TTC33: variants seen among roughly 807,000 people sequenced by gnomAD.
TTC33 encodes the protein tetratricopeptide repeat protein 33.
In TTC33, 24 loss-of-function variants were observed where a neutral mutation model predicts 29.4. The observed-to-expected ratio is 0.82, with a 90% CI of 0.59 to 1.15. The LOEUF is 1.15. TTC33 is among the 50% of genes most tolerant of loss of function. The pLI is 0.00. For missense variants in TTC33, 286 were observed against 310.4 expected (o/e 0.92, Z 0.59); for synonymous variants, 107 against 100.3 (o/e 1.07, Z -0.40).
chr5:40,735,959 T>C (rs1455531639), intron 2 of TTC33, among the ~76,000 whole-genome samples: 2 of 152,160 alleles, frequency 1.3e-5, no homozygotes, highest in Admixed American at 1.3e-4. Flanking sequence ...AGCAGAGAAA[T>C]GGCAGAGCAT....
Position 40,716,512 on chromosome 5 carries a change from T to G in TTC33, c.436-14A>C. 1 of 1,554,476 alleles carries G rather than the reference T, an allele frequency of 6.4e-7. No homozygotes were observed. Among genetic ancestry groups the G allele is most frequent in the Non-Finnish European group, 8.7e-7 (1 of 1,150,672 alleles). On this transcript the variant is annotated splice_polypyrimidine_tract_variant and intron_variant, in intron 4 of 4. Coordinates refer to ENST00000337702, the MANE Select transcript of TTC33 (RefSeq NM_012382.3). The stretch of plus-strand genomic sequence containing the variant: ...ACTTCGAATTGCCTAGAAAATAAGG[T>G]CAGAGTTTTTTGTTTTGGTTTTAAA...
chr5:40,734,304 C>T (rs1742498968), intron 2 of TTC33, among the ~76,000 whole-genome samples: 1 of 103,714 alleles, frequency 9.6e-6, no homozygotes, highest in Non-Finnish European at 2.0e-5. Flanking sequence ...TCTCTTAATT[C>T]AACTTCAGTT....
intron 2 of TTC33, among the ~76,000 whole-genome samples, chr5:40,736,660 A>G (rs1165234612): frequency 6.6e-6 from 1 of 152,360 alleles, no homozygotes; most frequent in South Asian, 2.1e-4. Context: ...CTAAAATATT[A>G]TATCTAAAGT....
intron 1 of TTC33, among the ~76,000 whole-genome samples, chr5:40,754,571 C>A (rs1664489333): frequency 6.6e-6 from 1 of 152,116 alleles, no homozygotes; most frequent in Admixed American, 6.5e-5. Flanking sequence ...GTATCAAGGG[C>A]CCACTACTGT....
intron 1 of TTC33, among the ~76,000 whole-genome samples, chr5:40,747,792 G>T (rs1211565099): frequency 6.6e-6 from 1 of 152,074 alleles, no homozygotes; most frequent in African/African-American, 2.4e-5. Context: ...TGTGGATCTT[G>T]TTTCACTCCT....
intron 4 of TTC33, among the ~76,000 whole-genome samples, chr5:40,718,502 C>A (rs1251072027): frequency 1.3e-5 from 2 of 152,136 alleles, no homozygotes; most frequent in African/African-American, 2.4e-5. Context: ...ATCACTCTGG[C>A]AGGCGGAGGT....
intron 1 of TTC33, among the ~76,000 whole-genome samples, chr5:40,749,389 TA>T (rs1742854388): frequency 1.3e-5 from 2 of 152,126 alleles, no homozygotes; most frequent in South Asian, 4.1e-4. Flanking sequence ...ATTCCATTCT[TA>T]AAGGAGTCTA....
rs759828624 is a variant in TTC33 at position 40,728,376 on chromosome 5, C to T, written c.404G>A (p.Arg135His). 2.2e-5 allele frequency: 35 copies of T among 1,610,174 alleles called. No homozygotes were observed. Among genetic ancestry groups the T allele is most frequent in the Middle Eastern group, 1.6e-4 (1 of 6,070 alleles). Residue 135 changes from arginine to histidine, a missense_variant, in exon 4 of 5, where the codon CGT (arginine) becomes CAT (histidine). Physicochemically the swap from Arg to His is conservative, Grantham distance 29. Coordinates refer to ENST00000337702, the MANE Select transcript of TTC33 (RefSeq NM_012382.3). ...TATCTCTCCTAAACCAAGTTGAGCA[C>T]GTCCCAAAGTCTGCCAAGACTCCCA... ...HSWESWQTLG[R>H]AQLGLGEIIL...
intron 4 of TTC33, among the ~76,000 whole-genome samples, chr5:40,717,229 C>CA (rs35359209): frequency 0.37 from 40,429 of 108,724 alleles, 7,881 homozygotes; most frequent in African/African-American, 0.52. Flanking sequence ...AACTCCATCT[C>CA]AAAAAAAAAA....
chr5:40,746,992 T>A lies in TTC33; in HGVS notation c.27A>T (p.Lys9Asn). Residue 9 changes from lysine to asparagine, a missense_variant, in exon 2 of 5, where the codon AAA (lysine) becomes AAT (asparagine). Transcript: ENST00000337702. ...TGACCTTTGAGACCTTCTCACCAATTTTCCTCTTCCACCCAAAGGAAGCCA... is the reference window on the plus strand; with the variant it reads ...TGACCTTTGAGACCTTCTCACCAATATTCCTCTTCCACCCAAAGGAAGCCA... MASFGWKR[K>N]IGEKVSKVTS... is the part of the protein sequence containing the mutation. 1.2e-6 allele frequency: 2 copies of A among 1,613,928 alleles called. No homozygotes were observed. Among genetic ancestry groups the A allele is most frequent in the Non-Finnish European group, 1.7e-6 (2 of 1,179,952 alleles).
At chr5:40,727,258 T>C (rs1451950455) in intron 4 of TTC33, among the ~76,000 whole-genome samples, 2 of 152,214 alleles carry the variant, frequency 1.3e-5, no homozygotes, top group Non-Finnish European at 2.9e-5. Flanking sequence ...TGTTTTATTT[T>C]GAACTGTAAA....
Position 40,730,340 on chromosome 5 carries a change from A to T in TTC33, c.225T>A (p.Tyr75Ter), listed in dbSNP as rs755328365. The T allele has an allele frequency of 1.9e-6, 3 of 1,612,764 alleles. No individual in the cohort carries two copies. Among genetic ancestry groups the T allele is most frequent in the Non-Finnish European group, 2.5e-6 (3 of 1,179,128 alleles). The change falls in exon 3 of 5, where the codon TAT becomes TAA. Residue 75 changes from tyrosine (Y) to a stop codon, truncating the protein, a stop_gained. Transcript: ENST00000337702. LOFTEE classifies it high-confidence loss of function. ...EGASLAENKR[Y>*]REAIQKWDEA... The stretch of plus-strand genomic sequence containing the variant: ...CATCCCACTTCTGAATTGCCTCCCG[A>T]TATCTGTGGTTGTTAAAGTTATATC...
chr5:40,752,789 T>C (rs1262747041), intron 1 of TTC33, among the ~76,000 whole-genome samples: 2 of 152,220 alleles, frequency 1.3e-5, no homozygotes, highest in East Asian at 3.8e-4. Context: ...AGTGCACACA[T>C]GCTATTGGAC....
rs1366767128 is a variant in TTC33, at chr5:40,751,848, T to G, written c.-2+3976A>C. On this transcript the variant is annotated intron_variant, in intron 1 of 4. Transcript: ENST00000337702. ...GGCGCACGCCTGTAGTCCCAGCTGCTCGGGAGGCTGAGGCAGGAGAATCGC... is the reference window on the plus strand; with the variant it reads ...GGCGCACGCCTGTAGTCCCAGCTGCGCGGGAGGCTGAGGCAGGAGAATCGC... Among the ~76,000 whole-genome samples the G allele has an allele frequency of 3.3e-5, 5 of 151,850 alleles. No homozygotes were observed. In the South Asian group the frequency reaches 6.3e-4, roughly 19 times the overall value.
intron 1 of TTC33, 102 bp from the exon 2 acceptor site, chr5:40,747,121 C>T (rs1236941582): frequency 3.3e-5 from 34 of 1,018,068 alleles, no homozygotes; most frequent in South Asian, 3.3e-4. Context: ...TACGATGGCA[C>T]GACCTCGGCT....
At chr5:40,723,317 G>A (rs1339098889) in intron 4 of TTC33, among the ~76,000 whole-genome samples, 1 of 151,936 alleles carries the variant, frequency 6.6e-6, no homozygotes, top group Non-Finnish European at 1.5e-5. Context: ...AGGGTCCTCT[G>A]CCTAGGAAAA....
intron 2 of TTC33, among the ~76,000 whole-genome samples, chr5:40,746,449 T>C (rs143137141): frequency 2.4e-4 from 37 of 152,284 alleles, no homozygotes; most frequent in African/African-American, 6.7e-4. Flanking sequence ...TACATAATGT[T>C]ATAAGCAGAA....
At chr5:40,746,700 A>G in intron 2 of TTC33, 98 bp downstream of exon 2, 2 of 912,868 alleles carry the variant, frequency 2.2e-6, no homozygotes, top group Non-Finnish European at 3.2e-6. Context: ...AGATTTTTAA[A>G]CATGAATTTA....
rs772491422 is a variant in TTC33 at position 40,716,221 on chromosome 5, C to T, written c.713G>A (p.Gly238Glu). 2.5e-6 allele frequency: 4 copies of T among 1,614,164 alleles called. No homozygotes were observed. Among genetic ancestry groups the T allele is most frequent in the Non-Finnish European group, 3.4e-6 (4 of 1,180,036 alleles). The change falls in exon 5 of 5, where the codon GGG becomes GAG. Residue 238 changes from glycine to glutamate, a missense_variant. Coordinates refer to ENST00000337702, the MANE Select transcript of TTC33 (RefSeq NM_012382.3). ...CTTTTCAGTTACAGTCTCTATGGCC[C>T]CAGAAGCAGACACAATAACCATTGT... Reference protein sequence around the residue: ...NKTMVIVSASGAIETVTEKED... With the variant: ...NKTMVIVSASEAIETVTEKED...
Sources: gnomAD v4.1 joint callset for allele counts (sites outside exome capture counted in the v4.1 genomes callset) on GRCh38, gnomAD v4.1.1 for gene constraint, MANE v1.5 for transcripts, NCBI Gene and HGNC (gene_info 2026-07-23, HGNC 2026-07-21) for gene names.